Variants in SERPINE2 observed in about 807,000 individuals in gnomAD.
SERPINE2 encodes the protein serpin family E member 2, also known as glia-derived nexin.
SERPINE2 carries 14 observed loss-of-function variants against 36.3 expected under a neutral mutation model. The ratio of observed to expected loss-of-function variants is 0.39; its 90% confidence interval spans 0.25 to 0.60. SERPINE2 has a LOEUF of 0.60. Among genes scored for constraint, SERPINE2 ranks in the 20% least tolerant of loss-of-function variants. The pLI is 0.57. For synonymous variants in SERPINE2, 192 were observed against 191.8 expected (o/e 1.00, Z -0.01); for missense variants, 418 against 499.6 (o/e 0.84, Z 1.56).
chr2:224,035,528 G>A (rs920572144), intron 1 of SERPINE2, among the ~76,000 whole-genome samples: 1 of 151,898 alleles, frequency 6.6e-6, no homozygotes, highest in Non-Finnish European at 1.5e-5. Flanking sequence ...GATTATAGGC[G>A]CAGCTAATTT....
chr2:224,002,904 T>C lies in SERPINE2; in HGVS notation c.-22-982A>G, dbSNP rs1002129206. Among the ~76,000 whole-genome samples the C allele has an allele frequency of 4.6e-5, 7 of 152,088 alleles. No individual in the cohort carries two copies. In the South Asian group the frequency reaches 1.0e-3, roughly 23 times the overall value. ...GTGTTAGGCATATGACATAACTGAA[T>C]GGACAAGACTCTCACCCGCACTGAG... On this transcript the variant is annotated intron_variant, in intron 1 of 8. Transcript: ENST00000409304.
chr2:224,010,540 A>C (rs967744838), intron 1 of SERPINE2, among the ~76,000 whole-genome samples: 4 of 152,296 alleles, frequency 2.6e-5, no homozygotes, highest in Non-Finnish European at 5.9e-5. Context: ...CTGTCTTTTA[A>C]AATTCAAGAT....
At chr2:224,007,312 T>G (rs951607318) in intron 1 of SERPINE2, among the ~76,000 whole-genome samples, 2 of 152,200 alleles carry the variant, frequency 1.3e-5, no homozygotes, top group African/African-American at 4.8e-5. Flanking sequence ...TGCTCTCTCA[T>G]TCTCTATAAA....
At chr2:223,987,387 G>C (rs938070755) in intron 4 of SERPINE2, among the ~76,000 whole-genome samples, 1 of 152,140 alleles carries the variant, frequency 6.6e-6, no homozygotes, top group South Asian at 2.1e-4. Flanking sequence ...CTCCCAAGCA[G>C]AATGAATCAA....
chr2:224,029,731 CCTCT>C lies in SERPINE2; in HGVS notation c.-23+9364_-23+9367del, dbSNP rs377230731. ...TTGTTTTATTTTGAGACAGAGCCTC[CCTCT>C]GTTACCCAGGCTGGAGTGCAGTGGC... On this transcript the variant is annotated intron_variant, in intron 1 of 8. Transcript: ENST00000409304. Among the ~76,000 whole-genome samples the C allele has an allele frequency of 1.0e-3, 157 of 152,246 alleles. 1 individual carries two copies. The highest frequency in any genetic ancestry group is 3.4e-3 in the Middle Eastern group (1 of 292).
intron 1 of SERPINE2, among the ~76,000 whole-genome samples, chr2:224,003,438 T>C (rs1309980262): frequency 1.3e-5 from 2 of 152,220 alleles, no homozygotes; most frequent in Admixed American, 6.5e-5. Flanking sequence ...TCTTTTACCA[T>C]AAGCACACTG....
intron 1 of SERPINE2, among the ~76,000 whole-genome samples, chr2:224,036,198 G>A (rs950144617): frequency 6.6e-6 from 1 of 152,130 alleles, no homozygotes; most frequent in African/African-American, 2.4e-5. Context: ...TCATATTGGT[G>A]AGAGTCGAAG....
intron 6 of SERPINE2, 66 bp downstream of exon 6, chr2:223,982,614 TG>T (rs1690262051): frequency 1.0e-6 from 1 of 956,430 alleles, no homozygotes; most frequent in Non-Finnish European, 1.6e-6. Flanking sequence ...CCTTTTTCTC[TG>T]CACAAATCAG....
chr2:223,987,257 T>G (rs535637320), intron 4 of SERPINE2, among the ~76,000 whole-genome samples: 9 of 152,346 alleles, frequency 5.9e-5, no homozygotes, highest in African/African-American at 1.9e-4. Context: ...TCTTTTGATG[T>G]AAGAAGCTTT....
chr2:224,037,645 G>A (rs1382215784), intron 1 of SERPINE2, among the ~76,000 whole-genome samples: 4 of 152,158 alleles, frequency 2.6e-5, no homozygotes, highest in African/African-American at 9.7e-5. Flanking sequence ...CAGGGACGTG[G>A]CCAGGTCACC....
At chr2:224,035,856 A>G (rs1188002266) in intron 1 of SERPINE2, among the ~76,000 whole-genome samples, 1 of 152,198 alleles carries the variant, frequency 6.6e-6, no homozygotes, top group Non-Finnish European at 1.5e-5. Context: ...CAGCGTGACT[A>G]GAGCGGACCT....
At chr2:224,029,689 T>C (rs1451151025) in intron 1 of SERPINE2, among the ~76,000 whole-genome samples, 1 of 152,180 alleles carries the variant, frequency 6.6e-6, no homozygotes, top group Non-Finnish European at 1.5e-5. Context: ...TTTCCTACTG[T>C]ATAGACATTT....
Position 223,980,504 on chromosome 2 carries a change from A to G in SERPINE2, c.986-107T>C. 3.3e-6 allele frequency: 3 copies of G among 902,712 alleles called. No individual in the cohort carries two copies. The South Asian group carries it at 4.3e-5, about 13-fold the overall frequency. 55.9% of individuals were successfully genotyped at this position (902,712 alleles called of 1,614,324 possible). On this transcript the variant is annotated intron_variant, in intron 6 of 8. Transcript: ENST00000409304. ...AAAGCCATGGCAAATTCCAATTTTT[A>G]AAGTGTCAGAAGACATGACCTCTGA...
At chr2:224,000,619 T>C (rs1238389787) in intron 2 of SERPINE2, among the ~76,000 whole-genome samples, 2 of 152,140 alleles carry the variant, frequency 1.3e-5, no homozygotes, top group African/African-American at 4.8e-5. Flanking sequence ...GCTGCACCCA[T>C]CAACCTGTCA....
chr2:224,011,171 G>A (rs1390065878), intron 1 of SERPINE2, among the ~76,000 whole-genome samples: 1 of 152,114 alleles, frequency 6.6e-6, no homozygotes, highest in Non-Finnish European at 1.5e-5. Context: ...TTTTTGATAT[G>A]TCTTTAAGAC....
intron 1 of SERPINE2, among the ~76,000 whole-genome samples, chr2:224,028,891 G>C (rs1171008879): frequency 2.0e-5 from 3 of 152,172 alleles, no homozygotes; most frequent in African/African-American, 7.2e-5. Flanking sequence ...ACAAGGTAGA[G>C]AGCAGTACAC....
rs767565536 is a variant in SERPINE2 at position 223,998,264 on chromosome 2, G to A, written c.338C>T (p.Ala113Val). The A allele has an allele frequency of 2.5e-6, 4 of 1,614,122 alleles. No individual in the cohort carries two copies. The South Asian group carries it at 4.4e-5, about 18-fold the overall frequency. Residue 113 changes from alanine (A) to valine (V), a missense_variant, in exon 3 of 9, where the codon GCC (alanine) becomes GTC (valine). Physicochemically the swap from Ala to Val is moderately conservative, Grantham distance 64 (BLOSUM62 0). Coordinates refer to ENST00000409304, the MANE Select transcript of SERPINE2 (RefSeq NM_001136528.2). ...TTCAGAGGCATTCTTAACAAACACG[G>A]CGTTAGCCACTGTCACAATGTCTTT... ...KNKDIVTVAN[A>V]VFVKNASEIE... is the part of the protein sequence containing the mutation.
intron 2 of SERPINE2, among the ~76,000 whole-genome samples, chr2:224,000,118 A>T (rs931735227): frequency 1.3e-5 from 2 of 152,180 alleles, no homozygotes; most frequent in African/African-American, 4.8e-5. Flanking sequence ...CACCTCACTG[A>T]TCTTACTCTC....
At chr2:224,016,303 C>T (rs1162515363) in intron 1 of SERPINE2, among the ~76,000 whole-genome samples, 1 of 152,142 alleles carries the variant, frequency 6.6e-6, no homozygotes, top group African/African-American at 2.4e-5. Flanking sequence ...GTCATGAGTT[C>T]AAGACCAGCC....
Sources: gnomAD v4.1 joint callset for allele counts (sites outside exome capture counted in the v4.1 genomes callset) on GRCh38, gnomAD v4.1.1 for gene constraint, MANE v1.5 for transcripts, NCBI Gene and HGNC (gene_info 2026-07-23, HGNC 2026-07-21) for gene names.